Variants in SHFL observed in about 807,000 individuals in gnomAD.
The protein encoded by SHFL is shiftless antiviral inhibitor of ribosomal frameshifting, also known as shiftless antiviral inhibitor of ribosomal frameshifting protein.
Under a neutral mutation model 34.7 loss-of-function variants are expected in SHFL, and 12 were observed. The observed-to-expected ratio is 0.35, with a 90% CI of 0.22 to 0.56. The LOEUF (loss-of-function observed/expected upper bound fraction) is 0.56. Ranked by LOEUF, SHFL falls within the 20% of genes least tolerant of loss-of-function variation. The probability of loss-of-function intolerance (pLI) is 0.88; values close to 1 mark genes in which losing one functional copy is unlikely to be tolerated. For synonymous variants in SHFL, 148 were observed against 156.0 expected (o/e 0.95, Z 0.38); for missense variants, 278 against 411.1 (o/e 0.68, Z 2.80).
intron 3 of SHFL, chr19:10,089,412 C>A (rs1460521150): frequency 6.3e-7 from 1 of 1,594,756 alleles, no homozygotes; most frequent in Admixed American, 1.7e-5. Context: ...CTCACTCAGG[C>A]AAGCCCTCCC....
rs2088438047 is a variant in SHFL, at chr19:10,093,199, C to T, written c.*897C>T. The T allele has an allele frequency of 9.0e-7, 1 of 1,112,580 alleles. No individual in the cohort carries two copies. The highest frequency in any genetic ancestry group is 1.6e-5 in the African/African-American group (1 of 63,906). The allele number at this position is 1,112,580 out of a possible 1,614,324, so 68.9% of individuals were successfully genotyped here. ...CCCATCCCCCCACCAGGATAAAAGTCCTGACCTTTGTTCTCTTGACGGAAT... is the reference window on the plus strand; with the variant it reads ...CCCATCCCCCCACCAGGATAAAAGTTCTGACCTTTGTTCTCTTGACGGAAT... On this transcript the variant is annotated 3_prime_UTR_variant, in exon 8 of 8. Transcript: ENST00000253110.
chr19:10,086,516 G>T lies in SHFL; in HGVS notation c.21+68G>T. 7.6e-7 allele frequency: 1 copy of T among 1,308,560 alleles called. No individual in the cohort carries two copies. The highest frequency in any genetic ancestry group is 2.9e-5 in the East Asian group (1 of 34,340). 81.1% of individuals were successfully genotyped at this position (1,308,560 alleles called of 1,614,324 possible). ...CCCCGAGGAGCGGCCGGGAGGCGCGGAGGGGGCTTCGCAGTTCCTGGGGAC... is the reference window on the plus strand; with the variant it reads ...CCCCGAGGAGCGGCCGGGAGGCGCGTAGGGGGCTTCGCAGTTCCTGGGGAC... On this transcript the variant is annotated intron_variant, in intron 1 of 7. Coordinates refer to ENST00000253110, the MANE Select transcript of SHFL (RefSeq NM_018381.4). This position sits in a 1 kb window ranked among gnomAD's most constrained non-coding sequence, Gnocchi z 5.2.
rs139147326 is a variant in SHFL at position 10,089,685 on chromosome 19, G to A, written c.224G>A (p.Arg75Gln). The A allele has an allele frequency of 2.0e-4, 314 of 1,598,386 alleles. No individual in the cohort carries two copies. The highest frequency in any genetic ancestry group is 2.5e-4 in the African/African-American group (19 of 74,878). The change falls in exon 4 of 8, where the codon CGG becomes CAG. Residue 75 changes from arginine to glutamine, a missense_variant. Physicochemically the swap from Arg to Gln is conservative, Grantham distance 43. Transcript: ENST00000253110. ...CCACCAGAAGATATGAAGCAGGACCGGGACATTCAGGTGAGTTGGTGGCTA... is the reference window on the plus strand; with the variant it reads ...CCACCAGAAGATATGAAGCAGGACCAGGACATTCAGGTGAGTTGGTGGCTA... ...QDPPEDMKQD[R>Q]DIQAVATSLL...
intron 3 of SHFL, among the ~76,000 whole-genome samples, chr19:10,088,798 T>C (rs2088332449): frequency 6.6e-6 from 1 of 151,518 alleles, no homozygotes; most frequent in Non-Finnish European, 1.5e-5. Context: ...ATACAAAAAA[T>C]TAGCTGGGCG....
chr19:10,092,737 G>A lies in SHFL; in HGVS notation c.*435G>A, dbSNP rs1405522315. The A allele has an allele frequency of 6.2e-7, 1 of 1,612,026 alleles. No homozygotes were observed. The highest frequency in any genetic ancestry group is 8.5e-7 in the Non-Finnish European group (1 of 1,178,354). The stretch of plus-strand genomic sequence containing the variant: ...ACCGTTGAGGTTGGAGTGGGCACAG[G>A]CATGGTACCACCAGCCTCCCCGCTG... On this transcript the variant is annotated 3_prime_UTR_variant, in exon 8 of 8. Coordinates refer to ENST00000253110, the MANE Select transcript of SHFL (RefSeq NM_018381.4).
intron 5 of SHFL, among the ~76,000 whole-genome samples, chr19:10,090,924 G>C (rs1456878781): frequency 1.3e-5 from 2 of 150,794 alleles, no homozygotes; most frequent in African/African-American, 4.9e-5. Context: ...AAAAAAGAAA[G>C]AAAGAAAAGA....
chr19:10,086,800 AGGCGGGGGGGG>A lies in SHFL; in HGVS notation c.22-123_22-113del. On this transcript the variant is annotated intron_variant, in intron 1 of 7. Coordinates refer to ENST00000253110, the MANE Select transcript of SHFL (RefSeq NM_018381.4). The surrounding 1 kb of genome is among the most constrained non-coding windows in gnomAD (Gnocchi z 5.2). ...CCAGGAAATGCCGTAAAGGGATGAA[AGGCGGGGGGGG>A]GGCGGCGGAGGCCAAAACCAAGGGT... 8.8e-7 allele frequency: 1 copy of A among 1,135,612 alleles called. No individual in the cohort carries two copies. Among genetic ancestry groups the A allele is most frequent in the Non-Finnish European group, 1.2e-6 (1 of 816,894 alleles). The allele number at this position is 1,135,612 out of a possible 1,614,324, so 70.3% of individuals were successfully genotyped here.
At chr19:10,090,812 G>A (rs1253845458) in intron 5 of SHFL, among the ~76,000 whole-genome samples, 1 of 151,832 alleles carries the variant, frequency 6.6e-6, no homozygotes. Flanking sequence ...GGAGGCTGAG[G>A]TGGGAGGATC....
At position 10,092,984 on chromosome 19, in the gene SHFL, C is replaced by T. The variant is rs2088430771; in HGVS notation, c.*682C>T. Reference sequence around the variant, plus strand: ...GTAATAGCCTTAATTCCTTCCCTATCTCCTTACCAAAGTACAAGTCACATC... The same window carrying T: ...GTAATAGCCTTAATTCCTTCCCTATTTCCTTACCAAAGTACAAGTCACATC... On this transcript the variant is annotated 3_prime_UTR_variant, in exon 8 of 8. Transcript: ENST00000253110. The T allele has an allele frequency of 2.0e-6, 1 of 507,426 alleles. No individual in the cohort carries two copies. Among genetic ancestry groups the T allele is most frequent in the Admixed American group, 3.6e-5 (1 of 27,600 alleles). 31.4% of individuals were successfully genotyped at this position (507,426 alleles called of 1,614,324 possible). A position where few individuals can be genotyped will look rare whatever the true frequency, so the allele number is the denominator to read the frequency against.
chr19:10,091,733 C>A lies in SHFL; in HGVS notation c.643+103C>A. The A allele has an allele frequency of 7.2e-7, 1 of 1,398,122 alleles. No homozygotes were observed. 86.6% of individuals were successfully genotyped at this position (1,398,122 alleles called of 1,614,324 possible). ...TCCACTTTGTCTCCCACAGCAGCAGCCACTGCTTCCACATGGCCTCCATGA... is the reference window on the plus strand; with the variant it reads ...TCCACTTTGTCTCCCACAGCAGCAGACACTGCTTCCACATGGCCTCCATGA... On this transcript the variant is annotated intron_variant, in intron 7 of 7. Coordinates refer to ENST00000253110, the MANE Select transcript of SHFL (RefSeq NM_018381.4). The surrounding 1 kb of genome is among the most constrained non-coding windows in gnomAD (Gnocchi z 8.2).
chr19:10,092,042 C>T lies in SHFL; in HGVS notation c.644-28C>T, dbSNP rs773793655. 10 of 1,613,698 alleles carry T rather than the reference C, an allele frequency of 6.2e-6. No individual in the cohort carries two copies. The East Asian group carries it at 2.2e-4, about 36-fold the overall frequency. ...CAGACTCTCATGGGACCTCCAGCCC[C>T]ATGTCTGCAGCACCTCTCCCTCCCT... On this transcript the variant is annotated intron_variant, in intron 7 of 7. Transcript: ENST00000253110.
chr19:10,089,020 C>T, intron 3 of SHFL: 1 of 339,378 alleles, frequency 2.9e-6, no homozygotes, highest in South Asian at 3.1e-5. Flanking sequence ...TCATTGAGTA[C>T]TTCCCACATG....
At chr19:10,090,252 A>G (rs965068486) in intron 5 of SHFL, 4 of 604,382 alleles carry the variant, frequency 6.6e-6, no homozygotes, top group South Asian at 2.0e-5. Context: ...GAAGCCCAAT[A>G]CCTCCTTACC....
intron 3 of SHFL, chr19:10,089,067 G>A (rs1372908353): frequency 5.7e-6 from 3 of 524,622 alleles, no homozygotes; most frequent in Non-Finnish European, 1.0e-5. Flanking sequence ...CATCACTGCA[G>A]TGACCCCAGG....
intron 3 of SHFL, among the ~76,000 whole-genome samples, chr19:10,088,486 G>A (rs1408642244): frequency 1.4e-5 from 2 of 141,006 alleles, no homozygotes; most frequent in African/African-American, 2.7e-5. Context: ...GGAGAATGGC[G>A]TGAACCCGGG....
chr19:10,086,804 G>GT lies in SHFL; in HGVS notation c.22-125_22-124insT, dbSNP rs986418247. 3 of 790,926 alleles carry GT rather than the reference G, an allele frequency of 3.8e-6. No individual in the cohort carries two copies. Among genetic ancestry groups the GT allele is most frequent in the Admixed American group, 3.9e-5 (1 of 25,884 alleles). 49.0% of individuals were successfully genotyped at this position (790,926 alleles called of 1,614,324 possible). On this transcript the variant is annotated intron_variant, in intron 1 of 7. Transcript: ENST00000253110. This position sits in a 1 kb window ranked among gnomAD's most constrained non-coding sequence, Gnocchi z 5.2. Reference sequence around the variant, plus strand: ...GAAATGCCGTAAAGGGATGAAAGGCGGGGGGGGGGCGGCGGAGGCCAAAAC... The same window carrying GT: ...GAAATGCCGTAAAGGGATGAAAGGCGTGGGGGGGGGCGGCGGAGGCCAAAAC...
chr19:10,092,584 C>G lies in SHFL; in HGVS notation c.*282C>G. 6.3e-7 allele frequency: 1 copy of G among 1,598,742 alleles called. No individual in the cohort carries two copies. Among genetic ancestry groups the G allele is most frequent in the Non-Finnish European group, 8.6e-7 (1 of 1,169,350 alleles). The stretch of plus-strand genomic sequence containing the variant: ...CTAGGGCCTAGGGGACAGAGGAACA[C>G]AGAGTCACAGCTTCAGGGGCCGAAT... On this transcript the variant is annotated 3_prime_UTR_variant, in exon 8 of 8. Coordinates refer to ENST00000253110, the MANE Select transcript of SHFL (RefSeq NM_018381.4).
chr19:10,092,376 C>A lies in SHFL; in HGVS notation c.*74C>A. ...TGTTATTATAAGATATGAGCTCAAA[C>A]CGAGATATGAATGACCTTGGGGAGC... On this transcript the variant is annotated 3_prime_UTR_variant, in exon 8 of 8. Transcript: ENST00000253110. The A allele has an allele frequency of 1.3e-6, 2 of 1,532,398 alleles. No individual in the cohort carries two copies. Among genetic ancestry groups the A allele is most frequent in the Non-Finnish European group, 1.7e-6 (2 of 1,143,310 alleles). 94.9% of individuals were successfully genotyped at this position (1,532,398 alleles called of 1,614,324 possible).
rs750994390 is a variant in SHFL, at chr19:10,092,606, G to A, written c.*304G>A. The stretch of plus-strand genomic sequence containing the variant: ...ACACAGAGTCACAGCTTCAGGGGCC[G>A]AATGAGCATGGCGGCCTTCCTGAGA... On this transcript the variant is annotated 3_prime_UTR_variant, in exon 8 of 8. Transcript: ENST00000253110. The A allele has an allele frequency of 2.1e-5, 33 of 1,607,868 alleles. No individual in the cohort carries two copies. Among genetic ancestry groups the A allele is most frequent in the Admixed American group, 5.0e-5 (3 of 59,780 alleles).
Sources: gnomAD v4.1 joint callset for allele counts (sites outside exome capture counted in the v4.1 genomes callset) on GRCh38, gnomAD v4.1.1 for gene constraint, Gnocchi (gnomAD v3.1) non-coding constraint, MANE v1.5 for transcripts, NCBI Gene and HGNC (gene_info 2026-07-23, HGNC 2026-07-21) for gene names.